The following TACR1 variants were observed in gnomAD, a reference collection of about 807,000 sequenced individuals.
The protein encoded by TACR1 is tachykinin receptor 1.
TACR1 carries 25 observed loss-of-function variants against 35.8 expected under a neutral mutation model. The ratio of observed to expected loss-of-function variants is 0.70; its 90% CI spans 0.51 to 0.98. The LOEUF (loss-of-function observed/expected upper bound fraction) is 0.98. TACR1 is among the 50% of genes least tolerant of loss of function. The pLI is 0.00. For missense variants in TACR1, 478 were observed against 522.9 expected (o/e 0.91, Z 0.84); for synonymous variants, 195 against 206.7 (o/e 0.94, Z 0.48).
intron 1 of TACR1, among the ~76,000 whole-genome samples, chr2:75,153,352 T>C (rs1674716878): frequency 6.6e-6 from 1 of 152,066 alleles, no homozygotes; most frequent in South Asian, 2.1e-4. Context: ...CAAGCCTCAG[T>C]GGGATGTTAT....
At chr2:75,139,292 C>T (rs890744764) in intron 1 of TACR1, among the ~76,000 whole-genome samples, 2 of 152,206 alleles carry the variant, frequency 1.3e-5, no homozygotes, top group Non-Finnish European at 2.9e-5. Flanking sequence ...GCAATTCAGT[C>T]ATTTGCCTCA....
chr2:75,145,104 CT>C (rs1398722043), intron 1 of TACR1, among the ~76,000 whole-genome samples: 1 of 151,806 alleles, frequency 6.6e-6, no homozygotes, highest in African/African-American at 2.4e-5. Context: ...AGATGATTCA[CT>C]GTTAATATCA....
At position 75,094,838 on chromosome 2, in the gene TACR1, C is replaced by CAT. The variant is rs770472061; in HGVS notation, c.584+25734_584+25735dup. ...AAATTGCAAGCTGAGGAAGCAGAAA[C>CAT]ATATATATATATATATATATATTTT... is the stretch of plus-strand genomic sequence containing the variant. On this transcript the variant is annotated intron_variant, in intron 2 of 4. Transcript: ENST00000305249. 3.1e-3 allele frequency among the ~76,000 whole-genome samples: 367 copies of CAT among 119,808 alleles called. 4 individuals carry two copies. Among genetic ancestry groups the CAT allele is most frequent in the Middle Eastern group, 7.8e-3 (2 of 256 alleles). The allele number at this position is 119,808 out of a possible 152,430, so 78.6% of individuals were successfully genotyped here.
At chr2:75,184,136 AG>A (rs1675627716) in intron 1 of TACR1, among the ~76,000 whole-genome samples, 1 of 152,248 alleles carries the variant, frequency 6.6e-6, no homozygotes, top group Non-Finnish European at 1.5e-5. Context: ...GTGTGCTAAA[AG>A]GACAAAGCAC....
At chr2:75,149,258 T>C (rs1306020563) in intron 1 of TACR1, among the ~76,000 whole-genome samples, 1 of 152,156 alleles carries the variant, frequency 6.6e-6, no homozygotes, top group Non-Finnish European at 1.5e-5. Context: ...TTTAAAGTAT[T>C]TTTTTCTAAT....
intron 1 of TACR1, among the ~76,000 whole-genome samples, chr2:75,136,302 T>C (rs915849521): frequency 2.0e-5 from 3 of 152,128 alleles, no homozygotes; most frequent in Non-Finnish European, 4.4e-5. Context: ...TCTTCGTCCT[T>C]ATCAGCTCAC....
chr2:75,193,444 C>T (rs960295651), intron 1 of TACR1, among the ~76,000 whole-genome samples: 1 of 152,168 alleles, frequency 6.6e-6, no homozygotes, highest in Non-Finnish European at 1.5e-5. Context: ...TCTCAAGTTT[C>T]TTGTCGGGCA....
chr2:75,186,428 T>C (rs554067661), intron 1 of TACR1, among the ~76,000 whole-genome samples: 6 of 149,548 alleles, frequency 4.0e-5, no homozygotes, highest in Admixed American at 6.7e-5. Context: ...TTCCTAAGAA[T>C]TGACAATAGT....
At chr2:75,101,675 C>T (rs766557646) in intron 2 of TACR1, among the ~76,000 whole-genome samples, 25 of 152,180 alleles carry the variant, frequency 1.6e-4, no homozygotes, top group Middle Eastern at 3.4e-3. Flanking sequence ...AGGCCGGGCA[C>T]GGTGGCTCAC....
Position 75,159,483 on chromosome 2 carries a change from T to C in TACR1, c.390-38715A>G, listed in dbSNP as rs1572967461. On this transcript the variant is annotated intron_variant, in intron 1 of 4. Transcript: ENST00000305249. ...ACTGGAAACTCCGAGAATTCCTCAG[T>C]GATATGCCAGGAAACAGGAAGAATT... 2.0e-5 allele frequency among the ~76,000 whole-genome samples: 3 copies of C among 152,184 alleles called. No homozygotes were observed. The South Asian group carries it at 6.2e-4, about 32-fold the overall frequency.
chr2:75,088,168 G>T (rs1302279740), intron 2 of TACR1, among the ~76,000 whole-genome samples: 1 of 152,096 alleles, frequency 6.6e-6, no homozygotes, highest in East Asian at 1.9e-4. Flanking sequence ...ACCTGCTCCT[G>T]CTCCTTCTGT....
chr2:75,198,851 T>A lies in TACR1; in HGVS notation c.84A>T (p.Pro28=). 1 of 1,614,146 alleles carries A rather than the reference T, an allele frequency of 6.2e-7. No homozygotes were observed. The highest frequency in any genetic ancestry group is 8.5e-7 in the Non-Finnish European group (1 of 1,180,030). Residue 28 remains proline, a synonymous_variant, in exon 1 of 5, where the codon CCA becomes CCT. Transcript: ENST00000305249. ...CTGCCCAAAGGACAATTTGCCAGGC[T>A]GGTTGCACGAACTGATTGGGTTCCG... ...NTSEPNQFVQ[P]AWQIVLWAAA...
At chr2:75,116,935 G>A (rs1385695229) in intron 2 of TACR1, among the ~76,000 whole-genome samples, 1 of 152,032 alleles carries the variant, frequency 6.6e-6, no homozygotes, top group Admixed American at 6.5e-5. Flanking sequence ...ATTTTCCAAT[G>A]TAATTATCAA....
intron 2 of TACR1, among the ~76,000 whole-genome samples, chr2:75,068,332 G>A (rs76880637): frequency 1.8e-3 from 273 of 152,256 alleles, no homozygotes; most frequent in South Asian, 0.011. Flanking sequence ...TGGAGGGTAA[G>A]CTGCCTTAGT....
chr2:75,119,948 C>G (rs544306420), intron 2 of TACR1, among the ~76,000 whole-genome samples: 8 of 152,128 alleles, frequency 5.3e-5, no homozygotes, highest in Non-Finnish European at 1.0e-4. Flanking sequence ...GGCAGCTACC[C>G]GTGGAGATTA....
intron 2 of TACR1, among the ~76,000 whole-genome samples, chr2:75,063,149 A>G (rs146797089): frequency 4.6e-5 from 7 of 152,322 alleles, no homozygotes; most frequent in Non-Finnish European, 7.3e-5. Flanking sequence ...CCATGACTCA[A>G]TTACCTCCCA....
intron 2 of TACR1, among the ~76,000 whole-genome samples, chr2:75,056,945 T>A (rs1209288922): frequency 6.6e-6 from 1 of 152,194 alleles, no homozygotes; most frequent in Non-Finnish European, 1.5e-5. Flanking sequence ...AAGCCAGGAC[T>A]CAAACAGACA....
rs535188752 is a variant in TACR1 at position 75,111,704 on chromosome 2, T to C, written c.584+8870A>G. Among the ~76,000 whole-genome samples, 9 of 152,070 alleles carry C rather than the reference T, an allele frequency of 5.9e-5. No individual in the cohort carries two copies. The East Asian group carries it at 1.7e-3, about 29-fold the overall frequency. On this transcript the variant is annotated intron_variant, in intron 2 of 4. Transcript: ENST00000305249. ...AGATTGTTAACAGAAAAAGTCAGAATAGGGTATACTGTATATTGTATTGTG... is the reference window on the plus strand; with the variant it reads ...AGATTGTTAACAGAAAAAGTCAGAACAGGGTATACTGTATATTGTATTGTG...
intron 2 of TACR1, among the ~76,000 whole-genome samples, chr2:75,094,859 A>ATATATATATTTTTTTTTTTTTTTT: frequency 2.7e-5 from 3 of 113,134 alleles, no homozygotes; most frequent in African/African-American, 1.4e-4. Flanking sequence ...ATATATATAT[A>ATATATATATTTTTTTTTTTTTTTT]TTTTTTTTTT....
Sources: gnomAD v4.1 joint callset for allele counts (sites outside exome capture counted in the v4.1 genomes callset) on GRCh38, gnomAD v4.1.1 for gene constraint, MANE v1.5 for transcripts, NCBI Gene and HGNC (gene_info 2026-07-23, HGNC 2026-07-21) for gene names.